DHRSX: variants seen among roughly 807,000 people sequenced by gnomAD.
DHRSX encodes polyprenol dehydrogenase.
DHRSX carries 31 observed loss-of-function variants against 34.0 expected under a neutral mutation model. The observed-to-expected ratio is 0.91, with a 90% CI of 0.69 to 1.23. The LOEUF (loss-of-function observed/expected upper bound fraction) is 1.23. Ranked by LOEUF, DHRSX falls within the 50% of genes most tolerant of loss-of-function variation. The probability of loss-of-function intolerance (pLI) is 0.00; values close to 1 mark genes in which losing one functional copy is unlikely to be tolerated. For missense variants in DHRSX, 414 were observed against 428.1 expected, an observed-to-expected ratio of 0.97 and a Z score of 0.29; for synonymous variants, 201 against 183.8, an observed-to-expected ratio of 1.09 and a Z score of -0.76.
chrX:2,260,781 C>T (rs1008725173), intron 5 of DHRSX, among the ~76,000 whole-genome samples: 1 of 152,034 alleles, frequency 6.6e-6, no homozygotes, highest in Non-Finnish European at 1.5e-5. Context: ...TCTTGTAAGG[C>T]CACCCATCAT....
intron 1 of DHRSX, chrX:2,490,314 C>T (rs200331454): frequency 1.6e-5 from 26 of 1,613,322 alleles, no homozygotes; most frequent in African/African-American, 2.7e-5. Flanking sequence ...TACAGCCCCT[C>T]GCAGATGAGG....
chrX:2,361,080 T>C (rs1364620529), intron 3 of DHRSX, among the ~76,000 whole-genome samples: 1 of 152,128 alleles, frequency 6.6e-6, no homozygotes, highest in Non-Finnish European at 1.5e-5. Flanking sequence ...AAATGGAACA[T>C]TTCAAGAGGA....
At chrX:2,269,201 G>A (rs2041515937) in intron 4 of DHRSX, among the ~76,000 whole-genome samples, 1 of 152,220 alleles carries the variant, frequency 6.6e-6, no homozygotes, top group African/African-American at 2.4e-5. Flanking sequence ...ATATCTGCAT[G>A]TGTACATATT....
At chrX:2,424,420 G>T (rs2043817221) in intron 2 of DHRSX, among the ~76,000 whole-genome samples, 1 of 152,086 alleles carries the variant, frequency 6.6e-6, no homozygotes. Context: ...AAGCCAAGGA[G>T]TGAGGTGTCG....
At chrX:2,251,989 G>C (rs2016444733) in intron 5 of DHRSX, among the ~76,000 whole-genome samples, 1 of 152,128 alleles carries the variant, frequency 6.6e-6, no homozygotes, top group Admixed American at 6.6e-5. Context: ...TGTAATCCCA[G>C]CACTTTGGGA....
chrX:2,354,207 CACA>C (rs982705779), intron 3 of DHRSX, among the ~76,000 whole-genome samples: 3 of 152,292 alleles, frequency 2.0e-5, no homozygotes, highest in Admixed American at 2.0e-4. Flanking sequence ...CCAGACGTAG[CACA>C]ACAATAATGA....
chrX:2,232,458 G>A (rs142062783), intron 6 of DHRSX, among the ~76,000 whole-genome samples: 46 of 152,208 alleles, frequency 3.0e-4, no homozygotes, highest in African/African-American at 1.1e-3. Context: ...TGCAGTCCTG[G>A]GGTCTGGGGT....
chrX:2,224,284 C>T (rs1179068606), intron 6 of DHRSX, among the ~76,000 whole-genome samples: 1 of 152,110 alleles, frequency 6.6e-6, no homozygotes, highest in Non-Finnish European at 1.5e-5. Flanking sequence ...TGCATCGTCC[C>T]TATTGTTGAA....
At chrX:2,307,449 C>T (rs1211393269) in intron 3 of DHRSX, among the ~76,000 whole-genome samples, 1 of 151,278 alleles carries the variant, frequency 6.6e-6, no homozygotes, top group Admixed American at 6.6e-5. Flanking sequence ...ACGTGTACCT[C>T]ATGAAATTTT....
chrX:2,405,618 C>A (rs2043543380), intron 3 of DHRSX, among the ~76,000 whole-genome samples: 1 of 151,716 alleles, frequency 6.6e-6, no homozygotes, highest in Non-Finnish European at 1.5e-5. Context: ...TGAACCTGGG[C>A]AACAAGGCAA....
chrX:2,414,065 T>A (rs1436769647), intron 2 of DHRSX, among the ~76,000 whole-genome samples: 1 of 151,764 alleles, frequency 6.6e-6, no homozygotes, highest in Non-Finnish European at 1.5e-5. Flanking sequence ...CTAGATCACA[T>A]CATGACCAAC....
intron 1 of DHRSX, among the ~76,000 whole-genome samples, chrX:2,445,928 C>A (rs2044126951): frequency 6.6e-6 from 1 of 150,894 alleles, no homozygotes; most frequent in Non-Finnish European, 1.5e-5. Flanking sequence ...GGGACCGACG[C>A]CATGTACACA....
intron 3 of DHRSX, among the ~76,000 whole-genome samples, chrX:2,333,506 ATGG>A (rs2042509467): frequency 6.6e-6 from 1 of 152,028 alleles, no homozygotes; most frequent in Non-Finnish European, 1.5e-5. Context: ...CCTCCGCCTC[ATGG>A]GTTCAAGTGA....
intron 6 of DHRSX, among the ~76,000 whole-genome samples, chrX:2,227,658 G>A (rs1449385069): frequency 1.1e-5 from 1 of 94,086 alleles, no homozygotes; most frequent in Non-Finnish European, 2.1e-5. Context: ...AAAGGAGGAA[G>A]GAAGGAAAAG....
chrX:2,372,810 T>C (rs1041860492), intron 3 of DHRSX, among the ~76,000 whole-genome samples: 1 of 151,858 alleles, frequency 6.6e-6, no homozygotes, highest in Non-Finnish European at 1.5e-5. Flanking sequence ...CGGGGTTTCA[T>C]CATGTTGGCG....
Position 2,296,978 on chromosome X carries a change from C to T in DHRSX, c.287-5375G>A, listed in dbSNP as rs113245733. ...CCCAGGCAGATAGACCCCAGGCAGA[C>T]AGGAATAGGACCCAGGCAGATAGGA... is the stretch of plus-strand genomic sequence containing the variant. On this transcript the variant is annotated intron_variant, in intron 3 of 6. Coordinates refer to ENST00000334651, the MANE Select transcript of DHRSX (RefSeq NM_145177.3). 1.2e-3 allele frequency among the ~76,000 whole-genome samples: 107 copies of T among 88,596 alleles called. 5 individuals are homozygous for T. Among genetic ancestry groups the T allele is most frequent in the African/African-American group, 7.1e-3 (52 of 7,300 alleles). The allele number at this position is 88,596 out of a possible 152,430, so 58.1% of individuals were successfully genotyped here.
intron 3 of DHRSX, among the ~76,000 whole-genome samples, chrX:2,315,172 AAAAC>A (rs2042227398): frequency 2.0e-5 from 3 of 152,010 alleles, no homozygotes; most frequent in Admixed American, 1.3e-4. Flanking sequence ...AAAAAAAAAA[AAAAC>A]GTTAGGTCTT....
intron 1 of DHRSX, among the ~76,000 whole-genome samples, chrX:2,468,621 G>A (rs6567557): frequency 0.56 from 84,524 of 149,958 alleles, 25,515 homozygotes; most frequent in African/African-American, 0.81. Flanking sequence ...CCAAGGGACC[G>A]CCGCCATGTA....
At chrX:2,347,421 C>T (rs1285940576) in intron 3 of DHRSX, among the ~76,000 whole-genome samples, 5 of 152,206 alleles carry the variant, frequency 3.3e-5, no homozygotes, top group African/African-American at 9.6e-5. Context: ...GGGCCGGGCG[C>T]GGTGGCTCAC....
Sources: gnomAD v4.1 joint callset for allele counts (sites outside exome capture counted in the v4.1 genomes callset) on GRCh38, gnomAD v4.1.1 for gene constraint, MANE v1.5 for transcripts, NCBI Gene and HGNC (gene_info 2026-07-23, HGNC 2026-07-21) for gene names.